The following BFSP2 variants were observed in gnomAD, a reference collection of about 807,000 sequenced individuals.
BFSP2 encodes the protein phakinin.
Under a neutral mutation model 44.9 loss-of-function variants are expected in BFSP2, and 38 were observed. The observed-to-expected ratio is 0.85, with a 90% CI of 0.65 to 1.11. The LOEUF (loss-of-function observed/expected upper bound fraction) is 1.11. Among genes scored for constraint, BFSP2 ranks in the 50% least tolerant of loss-of-function variants. The pLI is 0.00. For synonymous variants in BFSP2, 197 were observed against 209.9 expected (o/e 0.94, Z 0.53); for missense variants, 525 against 533.0 (o/e 0.99, Z 0.15).
chr3:133,406,785 T>C (rs930085370), intron 1 of BFSP2, among the ~76,000 whole-genome samples: 4 of 152,124 alleles, frequency 2.6e-5, no homozygotes, highest in South Asian at 4.2e-4. Flanking sequence ...AGAAAGTACT[T>C]GGTATAAGAA....
intron 1 of BFSP2, among the ~76,000 whole-genome samples, chr3:133,422,038 CA>C (rs2073597352): frequency 1.4e-5 from 2 of 138,678 alleles, no homozygotes; most frequent in Admixed American, 1.6e-4. Context: ...AACCGGGAGG[CA>C]GAGGTTGCAG....
intron 1 of BFSP2, among the ~76,000 whole-genome samples, chr3:133,430,246 T>C (rs1411985576): frequency 2.6e-5 from 4 of 152,044 alleles, no homozygotes; most frequent in Admixed American, 1.3e-4. Context: ...AGCAGCATGA[T>C]TTATAATCCT....
chr3:133,439,196 T>C (rs1166409373), intron 1 of BFSP2, among the ~76,000 whole-genome samples: 1 of 152,250 alleles, frequency 6.6e-6, no homozygotes, highest in Non-Finnish European at 1.5e-5. Context: ...GTCTGTTTTG[T>C]TGCTTCTATG....
chr3:133,464,395 C>T (rs926068184), intron 4 of BFSP2, among the ~76,000 whole-genome samples: 3 of 152,144 alleles, frequency 2.0e-5, no homozygotes, highest in African/African-American at 7.2e-5. Flanking sequence ...CCTCAGTTTC[C>T]TATGAGGATA....
rs868218045 is a variant in BFSP2 at position 133,448,622 on chromosome 3, T to G, written c.706T>G (p.Ser236Ala). ...AGAAAGTCTGAAAGAAGAACTTGGC[T>G]CTCTATCAAGAAACTATGAAGAGGT... is the stretch of plus-strand genomic sequence containing the variant. ...QIESLKEELG[S>A]LSRNYEEDVK... The change falls in exon 3 of 7, where the codon TCT becomes GCT. Residue 236 changes from serine to alanine, a missense_variant. Coordinates refer to ENST00000302334, the MANE Select transcript of BFSP2 (RefSeq NM_003571.4). 11 of 1,613,756 alleles carry G rather than the reference T, an allele frequency of 6.8e-6. No individual in the cohort carries two copies. The highest frequency in any genetic ancestry group is 1.7e-5 in the Admixed American group (1 of 59,970).
chr3:133,416,117 G>A (rs746185891), intron 1 of BFSP2, among the ~76,000 whole-genome samples: 23 of 104,346 alleles, frequency 2.2e-4, no homozygotes, highest in Non-Finnish European at 3.8e-4. Flanking sequence ...CTACTCACCC[G>A]TTCTCTCACT....
chr3:133,472,581 G>T lies in BFSP2; in HGVS notation c.1244+16G>T. 1 of 1,608,414 alleles carries T rather than the reference G, an allele frequency of 6.2e-7. No homozygotes were observed. The highest frequency in any genetic ancestry group is 8.5e-7 in the Non-Finnish European group (1 of 1,178,128). The stretch of plus-strand genomic sequence containing the variant: ...AGGAGAGCGGGTAAGCCTCGCTTCC[G>T]CGTCAATTATCCAAGAGATGCATAT... On this transcript the variant is annotated intron_variant, in intron 6 of 6. Coordinates refer to ENST00000302334, the MANE Select transcript of BFSP2 (RefSeq NM_003571.4).
chr3:133,462,479 C>A (rs2074073174), intron 4 of BFSP2, among the ~76,000 whole-genome samples: 2 of 152,236 alleles, frequency 1.3e-5, no homozygotes, highest in Admixed American at 1.3e-4. Context: ...CCTTGGCCAG[C>A]AGCTTTACAC....
At chr3:133,467,183 G>C (rs1241170832) in intron 5 of BFSP2, among the ~76,000 whole-genome samples, 1 of 152,228 alleles carries the variant, frequency 6.6e-6, no homozygotes, top group Non-Finnish European at 1.5e-5. Context: ...CCAGGCTGCT[G>C]CAGTAAATGT....
At chr3:133,428,671 ACTGT>A (rs999691342) in intron 1 of BFSP2, among the ~76,000 whole-genome samples, 25 of 152,356 alleles carry the variant, frequency 1.6e-4, no homozygotes, top group African/African-American at 5.8e-4. Flanking sequence ...GTCGGGGATA[ACTGT>A]CTGTGCAGGG....
chr3:133,438,330 C>A (rs992046371), intron 1 of BFSP2, among the ~76,000 whole-genome samples: 1 of 152,202 alleles, frequency 6.6e-6, no homozygotes, highest in Admixed American at 6.6e-5. Flanking sequence ...AGTTCGAGAC[C>A]AGCCTGGCCA....
chr3:133,419,765 G>A (rs1468728480), intron 1 of BFSP2, among the ~76,000 whole-genome samples: 1 of 152,234 alleles, frequency 6.6e-6, no homozygotes, highest in East Asian at 1.9e-4. Context: ...CTGGGGAATA[G>A]CACAGCCCTC....
At chr3:133,442,985 A>G (rs2073859558) in intron 1 of BFSP2, among the ~76,000 whole-genome samples, 1 of 151,764 alleles carries the variant, frequency 6.6e-6, no homozygotes, top group Non-Finnish European at 1.5e-5. Flanking sequence ...AGCCTCCTAA[A>G]TAGCTGGAAT....
At chr3:133,412,784 G>A (rs185803677) in intron 1 of BFSP2, among the ~76,000 whole-genome samples, 4 of 152,338 alleles carry the variant, frequency 2.6e-5, no homozygotes, top group Admixed American at 2.6e-4. Flanking sequence ...AGGTGAATGT[G>A]GAACCAGACA....
chr3:133,418,660 T>C (rs1313546628), intron 1 of BFSP2, among the ~76,000 whole-genome samples: 4 of 152,188 alleles, frequency 2.6e-5, no homozygotes, highest in Non-Finnish European at 5.9e-5. Flanking sequence ...TCATCTTCTG[T>C]GAGGCATGTC....
intron 2 of BFSP2, 129 bp downstream of exon 2, chr3:133,447,528 C>T: frequency 1.0e-6 from 1 of 953,288 alleles, no homozygotes; most frequent in East Asian, 2.7e-5. Flanking sequence ...ATAACAGAGC[C>T]ATGATTATCC....
chr3:133,417,662 ACC>A (rs2073552905), intron 1 of BFSP2, among the ~76,000 whole-genome samples: 1 of 97,188 alleles, frequency 1.0e-5, no homozygotes. Flanking sequence ...CCCTCTACTC[ACC>A]CCTGCCCTCT....
chr3:133,409,450 A>G (rs2073430464), intron 1 of BFSP2, among the ~76,000 whole-genome samples: 1 of 152,198 alleles, frequency 6.6e-6, no homozygotes, highest in African/African-American at 2.4e-5. Context: ...CCTATTTCCA[A>G]GTCTGACCAC....
intron 1 of BFSP2, among the ~76,000 whole-genome samples, chr3:133,421,912 T>C (rs559102282): frequency 8.6e-5 from 13 of 152,018 alleles, no homozygotes; most frequent in Admixed American, 6.6e-4. Context: ...ATCAAGACCA[T>C]CCTGGCCTAC....
Sources: allele counts gnomAD v4.1 joint callset (sites outside exome capture counted in the v4.1 genomes callset), GRCh38; gene constraint gnomAD v4.1.1; transcripts MANE v1.5; gene names NCBI Gene and HGNC (gene_info 2026-07-23, HGNC 2026-07-21).